RAB3IP: variants seen among roughly 807,000 people sequenced by gnomAD.
The protein encoded by RAB3IP is rab-3A-interacting protein.
In RAB3IP, 36 loss-of-function variants were observed where a neutral mutation model predicts 59.1. That is an observed-to-expected ratio of 0.61 (90% CI 0.47 to 0.80). The LOEUF (loss-of-function observed/expected upper bound fraction) is 0.80. RAB3IP is among the 30% of genes least tolerant of loss of function. RAB3IP has a pLI of 0.00. For synonymous variants in RAB3IP, 207 were observed against 191.2 expected (o/e 1.08, Z -0.68); for missense variants, 511 against 536.0 (o/e 0.95, Z 0.46).
Position 69,749,175 on chromosome 12 carries a change from C to T in RAB3IP, c.-25-6209C>T, listed in dbSNP as rs114470399. ...TGGCAGAAGGTAAGTGGCGGACAAGCGAGCATTCCCACTTGAGCTCCACCT... is the reference window on the plus strand; with the variant it reads ...TGGCAGAAGGTAAGTGGCGGACAAGTGAGCATTCCCACTTGAGCTCCACCT... On this transcript the variant is annotated intron_variant, in intron 1 of 10. Transcript: ENST00000247833. Among the ~76,000 whole-genome samples the T allele has an allele frequency of 3.2e-3, 491 of 152,246 alleles. 4 individuals carry two copies. Among genetic ancestry groups the T allele is most frequent in the African/African-American group, 0.011 (469 of 41,542 alleles).
chr12:69,797,099 T>A (rs1877549608), intron 6 of RAB3IP, among the ~76,000 whole-genome samples: 1 of 152,198 alleles, frequency 6.6e-6, no homozygotes, highest in South Asian at 2.1e-4. Context: ...TGGAAGAAAA[T>A]TAAGCATGTC....
intron 3 of RAB3IP, among the ~76,000 whole-genome samples, chr12:69,763,266 CATT>C (rs1418082563): frequency 3.9e-5 from 6 of 152,308 alleles, no homozygotes; most frequent in Middle Eastern, 3.4e-3. Flanking sequence ...TGAGCAGGAA[CATT>C]GTTGTGGTGG....
chr12:69,791,563 AAG>A (rs1876623110), intron 4 of RAB3IP, among the ~76,000 whole-genome samples: 1 of 152,204 alleles, frequency 6.6e-6, no homozygotes, highest in Admixed American at 6.5e-5. Context: ...GGTATATGAT[AAG>A]ATACCCAGCA....
At chr12:69,781,590 C>G (rs1339515351) in intron 3 of RAB3IP, among the ~76,000 whole-genome samples, 1 of 152,188 alleles carries the variant, frequency 6.6e-6, no homozygotes, top group African/African-American at 2.4e-5. Flanking sequence ...TGTAGTCTTA[C>G]CTTTTCCAGA....
chr12:69,814,490 A>C (rs181609457), intron 10 of RAB3IP, among the ~76,000 whole-genome samples: 1 of 152,118 alleles, frequency 6.6e-6, no homozygotes. Flanking sequence ...CCTTGGTACT[A>C]GTGACATTTT....
chr12:69,783,412 CT>C (rs1875078330), intron 3 of RAB3IP, among the ~76,000 whole-genome samples: 1 of 152,226 alleles, frequency 6.6e-6, no homozygotes, highest in Non-Finnish European at 1.5e-5. Flanking sequence ...TCCCTTCCCT[CT>C]TTATATCTTA....
chr12:69,759,197 G>A (rs11177831), intron 3 of RAB3IP, among the ~76,000 whole-genome samples: 106,273 of 128,336 alleles, frequency 0.83, 43,777 homozygotes, highest in Middle Eastern at 0.91. Flanking sequence ...CTTAACGAGC[G>A]TGCTGCCTTC....
chr12:69,740,757 C>T (rs1456900190), intron 1 of RAB3IP, among the ~76,000 whole-genome samples: 1 of 152,202 alleles, frequency 6.6e-6, no homozygotes, highest in Admixed American at 6.5e-5. Context: ...ACATCCTCTA[C>T]AAATAATTTT....
Position 69,822,099 on chromosome 12 carries a change from A to G in RAB3IP, c.*6653A>G, listed in dbSNP as rs1881810938. ...TGATGACTCATTTCCGGTGGTCTCCAGGAGACTTGGCTGGGAGCTTCTCTT... is the reference window on the plus strand; with the variant it reads ...TGATGACTCATTTCCGGTGGTCTCCGGGAGACTTGGCTGGGAGCTTCTCTT... On this transcript the variant is annotated 3_prime_UTR_variant, in exon 11 of 11. Transcript: ENST00000247833. The G allele has an allele frequency of 6.6e-6, 1 of 152,178 alleles. No homozygotes were observed. Among genetic ancestry groups the G allele is most frequent in the Non-Finnish European group, 1.5e-5 (1 of 68,034 alleles). 9.4% of individuals were successfully genotyped at this position (152,178 alleles called of 1,614,324 possible).
Position 69,809,124 on chromosome 12 carries a change from G to T in RAB3IP, c.1131-3654G>T, listed in dbSNP as rs569780164. Reference sequence around the variant, plus strand: ...TGACAAAATCTCTCAGCATTTGCTTGTCTGTAAAGTATTTTATTTCTCCTT... The same window carrying T: ...TGACAAAATCTCTCAGCATTTGCTTTTCTGTAAAGTATTTTATTTCTCCTT... On this transcript the variant is annotated intron_variant, in intron 8 of 10. Coordinates refer to ENST00000247833, the MANE Select transcript of RAB3IP (RefSeq NM_022456.5). Among the ~76,000 whole-genome samples the T allele has an allele frequency of 8.8e-4, 131 of 148,622 alleles. No individual in the cohort carries two copies. In the East Asian group the frequency reaches 0.012, roughly 13 times the overall value.
chr12:69,800,088 T>G, intron 6 of RAB3IP, 121 bp from the exon 7 acceptor site: 2 of 715,610 alleles, frequency 2.8e-6, no homozygotes, highest in Non-Finnish European at 2.0e-6. Context: ...AGTGGTTCAA[T>G]TTATTATTTT....
At chr12:69,813,083 A>C in intron 10 of RAB3IP, 50 bp downstream of exon 10, 1 of 1,377,422 alleles carries the variant, frequency 7.3e-7, no homozygotes, top group Non-Finnish European at 1.0e-6. Flanking sequence ...TTCAGCAAAA[A>C]GTATAAGTAA....
intron 6 of RAB3IP, among the ~76,000 whole-genome samples, chr12:69,797,111 G>A (rs1335759207): frequency 6.6e-6 from 1 of 152,178 alleles, no homozygotes; most frequent in Non-Finnish European, 1.5e-5. Context: ...AAGCATGTCC[G>A]TGTTTTTGTA....
At chr12:69,750,729 T>C (rs897823921) in intron 1 of RAB3IP, among the ~76,000 whole-genome samples, 12 of 150,708 alleles carry the variant, frequency 8.0e-5, no homozygotes, top group Admixed American at 6.6e-5. Flanking sequence ...GGTCTTTCTT[T>C]TTTTTTTTTT....
At chr12:69,758,054 A>C (rs1022936147) in intron 3 of RAB3IP, among the ~76,000 whole-genome samples, 25 of 152,232 alleles carry the variant, frequency 1.6e-4, no homozygotes, top group African/African-American at 5.5e-4. Context: ...ATTTACTTAG[A>C]TCTCAAGGCT....
At chr12:69,745,745 G>C (rs967459316) in intron 1 of RAB3IP, among the ~76,000 whole-genome samples, 1 of 152,072 alleles carries the variant, frequency 6.6e-6, no homozygotes, top group Non-Finnish European at 1.5e-5. Context: ...GTGCCATGGT[G>C]GTTTACTGCA....
chr12:69,739,816 A>G, intron 1 of RAB3IP: 2 of 1,613,892 alleles, frequency 1.2e-6, no homozygotes, highest in Non-Finnish European at 1.7e-6. Context: ...GCTGGGTGGA[A>G]GTCGCAGCAT....
chr12:69,746,579 T>C (rs539888162), intron 1 of RAB3IP, among the ~76,000 whole-genome samples: 2 of 152,172 alleles, frequency 1.3e-5, no homozygotes, highest in African/African-American at 4.8e-5. Context: ...TCTTAGCACT[T>C]AGTATCAGGA....
At chr12:69,747,337 A>T (rs1384387735) in intron 1 of RAB3IP, among the ~76,000 whole-genome samples, 4 of 150,384 alleles carry the variant, frequency 2.7e-5, no homozygotes, top group Middle Eastern at 3.4e-3. Context: ...TGTGTGAGAG[A>T]GAGAGAGAGA....
Sources: gnomAD v4.1 joint callset for allele counts (sites outside exome capture counted in the v4.1 genomes callset) on GRCh38, gnomAD v4.1.1 for gene constraint, MANE v1.5 for transcripts, NCBI Gene and HGNC (gene_info 2026-07-23, HGNC 2026-07-21) for gene names.